PTPRM: variants seen among roughly 807,000 people sequenced by gnomAD.
PTPRM encodes protein tyrosine phosphatase receptor type M.
PTPRM carries 47 observed loss-of-function variants against 186.7 expected under a neutral mutation model. That is an observed-to-expected ratio of 0.25 (90% CI 0.20 to 0.32). PTPRM has a LOEUF of 0.32. Ranked by LOEUF, PTPRM falls within the 10% of genes least tolerant of loss-of-function variation. PTPRM has a pLI of 1.00. For synonymous variants in PTPRM, 668 were observed against 674.9 expected (o/e 0.99, Z 0.16); for missense variants, 1,494 against 1,865.0 (o/e 0.80, Z 3.66).
chr18:8,022,304 G>A (rs1013578591), intron 7 of PTPRM, among the ~76,000 whole-genome samples: 17 of 152,156 alleles, frequency 1.1e-4, no homozygotes, highest in African/African-American at 3.4e-4. Flanking sequence ...ATCATATGGC[G>A]CTTATGTTGC....
intron 9 of PTPRM, among the ~76,000 whole-genome samples, chr18:8,084,352 G>A (rs142455734): frequency 6.6e-6 from 1 of 152,270 alleles, no homozygotes; most frequent in African/African-American, 2.4e-5. Flanking sequence ...CGGTTACATC[G>A]CTGACGTCCT....
chr18:8,243,181 T>C (rs1245714189), intron 14 of PTPRM, among the ~76,000 whole-genome samples: 1 of 152,172 alleles, frequency 6.6e-6, no homozygotes, highest in Non-Finnish European at 1.5e-5. Context: ...GTGTCAGTCA[T>C]TTTAGATGTT....
chr18:8,348,244 G>A (rs1362025882), intron 23 of PTPRM, among the ~76,000 whole-genome samples: 1 of 152,262 alleles, frequency 6.6e-6, no homozygotes, highest in Non-Finnish European at 1.5e-5. Flanking sequence ...TTAAGGCAGA[G>A]CTGGGGACCT....
At chr18:7,943,371 A>G (rs982597169) in intron 5 of PTPRM, among the ~76,000 whole-genome samples, 1 of 152,010 alleles carries the variant, frequency 6.6e-6, no homozygotes, top group Non-Finnish European at 1.5e-5. Flanking sequence ...TTGGGCTGCT[A>G]TTCTAGCTCA....
intron 22 of PTPRM, among the ~76,000 whole-genome samples, chr18:8,341,447 C>T (rs995195772): frequency 2.0e-5 from 3 of 152,122 alleles, no homozygotes; most frequent in East Asian, 1.9e-4. Flanking sequence ...CCCAGAATGT[C>T]GGCTGGCAAG....
intron 1 of PTPRM, among the ~76,000 whole-genome samples, chr18:7,634,094 C>T (rs1309958941): frequency 6.6e-6 from 1 of 152,184 alleles, no homozygotes; most frequent in Admixed American, 6.5e-5. Flanking sequence ...TTCATCCCAT[C>T]TCCTGCCATG....
At chr18:8,134,490 T>C (rs2092591144) in intron 13 of PTPRM, among the ~76,000 whole-genome samples, 1 of 152,162 alleles carries the variant, frequency 6.6e-6, no homozygotes, top group African/African-American at 2.4e-5. Context: ...GTCCTTCTTT[T>C]TTACCTCGTT....
At chr18:7,889,820 C>T (rs1249752105) in intron 3 of PTPRM, among the ~76,000 whole-genome samples, 1 of 152,138 alleles carries the variant, frequency 6.6e-6, no homozygotes, top group Admixed American at 6.5e-5. Context: ...AAGAAAGTAC[C>T]AGATGTAGAT....
At chr18:7,852,561 G>A (rs556500402) in intron 2 of PTPRM, among the ~76,000 whole-genome samples, 60 of 152,046 alleles carry the variant, frequency 3.9e-4, no homozygotes, top group African/African-American at 1.3e-3. Flanking sequence ...AGTGGCGGGC[G>A]CCTGTAGTTC....
rs543213988 is a variant in PTPRM, at chr18:8,373,616, G to A, written c.3172-2430G>A. Among the ~76,000 whole-genome samples the A allele has an allele frequency of 8.5e-5, 13 of 152,298 alleles. No individual in the cohort carries two copies. In the East Asian group the frequency reaches 2.5e-3, roughly 29 times the overall value. On this transcript the variant is annotated intron_variant, in intron 24 of 32. Transcript: ENST00000580170. ...AAGGGCATGAGAAGATGATCCTCCT[G>A]TCTCCAAGACAGAACATGTATTATA... is the stretch of plus-strand genomic sequence containing the variant.
chr18:7,840,065 G>C (rs2046245101), intron 2 of PTPRM, among the ~76,000 whole-genome samples: 4 of 145,796 alleles, frequency 2.7e-5, no homozygotes, highest in Admixed American at 2.7e-4. Context: ...TGTATGGGGT[G>C]GGGTGGGGGG....
chr18:8,326,098 G>C (rs909837847), intron 22 of PTPRM, among the ~76,000 whole-genome samples: 1 of 152,144 alleles, frequency 6.6e-6, no homozygotes, highest in African/African-American at 2.4e-5. Flanking sequence ...TGCATAGTTT[G>C]AAAATGTTTT....
At chr18:8,115,592 C>T (rs1050792417) in intron 13 of PTPRM, among the ~76,000 whole-genome samples, 7 of 152,242 alleles carry the variant, frequency 4.6e-5, no homozygotes, top group African/African-American at 1.7e-4. Flanking sequence ...CACTCAAAGT[C>T]AAATACAATC....
chr18:7,805,340 G>T (rs535580280), intron 2 of PTPRM, among the ~76,000 whole-genome samples: 49 of 152,200 alleles, frequency 3.2e-4, no homozygotes, highest in African/African-American at 1.1e-3. Context: ...TTCTTCTCTA[G>T]CAGTTTCTAC....
At chr18:7,770,204 C>T (rs867015825) in intron 1 of PTPRM, among the ~76,000 whole-genome samples, 3 of 152,092 alleles carry the variant, frequency 2.0e-5, no homozygotes, top group Admixed American at 6.6e-5. Flanking sequence ...TTTAGAAATG[C>T]GTCCTTTTAC....
chr18:8,024,553 A>G (rs190770767), intron 7 of PTPRM, among the ~76,000 whole-genome samples: 1 of 152,160 alleles, frequency 6.6e-6, no homozygotes, highest in Admixed American at 6.5e-5. Flanking sequence ...ACCAGGACAT[A>G]TGGGCACTCA....
intron 7 of PTPRM, among the ~76,000 whole-genome samples, chr18:8,052,740 C>G (rs2087600009): frequency 6.6e-6 from 1 of 152,130 alleles, no homozygotes; most frequent in Non-Finnish European, 1.5e-5. Flanking sequence ...CTAAGGTTAG[C>G]TTTACAAGAT....
chr18:7,687,037 C>A (rs991386795), intron 1 of PTPRM, among the ~76,000 whole-genome samples: 4 of 152,116 alleles, frequency 2.6e-5, no homozygotes, highest in African/African-American at 9.7e-5. Context: ...TTGCTTCTGG[C>A]TTATTCAAAA....
chr18:8,091,819 GAC>G lies in PTPRM; in HGVS notation c.1856+2969_1856+2970del, dbSNP rs1397165807. Among the ~76,000 whole-genome samples the G allele has an allele frequency of 3.5e-4, 53 of 152,118 alleles. No homozygotes were observed. In the East Asian group the frequency reaches 6.8e-3, roughly 19 times the overall value. On this transcript the variant is annotated intron_variant, in intron 11 of 32. Coordinates refer to ENST00000580170, the MANE Select transcript of PTPRM (RefSeq NM_001105244.2). ...AGAACTCTGATTATGGAATCGTATGGACCTAAATATAAAGCCATAATGTAAAT... is the reference window on the plus strand; with the variant it reads ...AGAACTCTGATTATGGAATCGTATGGCTAAATATAAAGCCATAATGTAAAT...
Sources: allele counts gnomAD v4.1 joint callset (sites outside exome capture counted in the v4.1 genomes callset), GRCh38; gene constraint gnomAD v4.1.1; transcripts MANE v1.5; gene names NCBI Gene and HGNC (gene_info 2026-07-23, HGNC 2026-07-21).